ITPR2: variants seen among roughly 807,000 people sequenced by gnomAD.
ITPR2 encodes the protein inositol 1,4,5-trisphosphate-gated calcium channel ITPR2.
In ITPR2, 207 loss-of-function variants were observed where a neutral mutation model predicts 317.1. That is an observed-to-expected ratio of 0.65 (90% CI 0.58 to 0.73). The LOEUF is 0.73. Among genes scored for constraint, ITPR2 ranks in the 30% least tolerant of loss-of-function variants. The pLI is 0.00. For synonymous variants in ITPR2, 1,156 were observed against 1,149.1 expected, an observed-to-expected ratio of 1.01 and a Z score of -0.12; for missense variants, 2,613 against 3,284.0, an observed-to-expected ratio of 0.80 and a Z score of 4.99.
At chr12:26,439,414 T>C (rs1941434620) in intron 46 of ITPR2, 95 bp from the exon 47 acceptor site, 1 of 859,412 alleles carries the variant, frequency 1.2e-6, no homozygotes, top group South Asian at 2.1e-5. Context: ...GAATGTTTTA[T>C]GAATTCAGTT....
chr12:26,611,495 G>C (rs1946265524), intron 26 of ITPR2, among the ~76,000 whole-genome samples: 1 of 152,094 alleles, frequency 6.6e-6, no homozygotes, highest in Admixed American at 6.6e-5. Context: ...ACATCAGTGA[G>C]AGTCTAAGTC....
rs184969523 is a variant in ITPR2, at chr12:26,561,973, A to T, written c.4631-21T>A. 5 of 1,483,346 alleles carry T rather than the reference A, an allele frequency of 3.4e-6. No homozygotes were observed. The African/African-American group carries it at 7.3e-5, about 22-fold the overall frequency. The allele number at this position is 1,483,346 out of a possible 1,614,324, so 91.9% of individuals were successfully genotyped here. A position where few individuals can be genotyped will look rare whatever the true frequency, so the allele number is the denominator to read the frequency against. On this transcript the variant is annotated intron_variant, in intron 34 of 56. Transcript: ENST00000381340. ...TTTTGCTGAAAAAGAAAGATTTAAA[A>T]TATTTCCCTCTTAATTTGACTAAAG...
chr12:26,354,178 G>A (rs1377009761), intron 55 of ITPR2, among the ~76,000 whole-genome samples: 2 of 152,122 alleles, frequency 1.3e-5, no homozygotes, highest in Non-Finnish European at 2.9e-5. Flanking sequence ...GGAGACTGAG[G>A]CAGGAGAATC....
intron 55 of ITPR2, among the ~76,000 whole-genome samples, chr12:26,375,916 T>C (rs1397750671): frequency 2.6e-5 from 4 of 152,068 alleles, no homozygotes; most frequent in Non-Finnish European, 5.9e-5. Flanking sequence ...CTGGGCAACA[T>C]GGAAAAACCC....
intron 2 of ITPR2, among the ~76,000 whole-genome samples, chr12:26,774,273 T>C (rs1490876499): frequency 6.6e-6 from 1 of 152,154 alleles, no homozygotes; most frequent in Non-Finnish European, 1.5e-5. Context: ...ACAACTATGT[T>C]ACATGCTCGG....
At chr12:26,614,567 A>G (rs1946335317) in intron 26 of ITPR2, among the ~76,000 whole-genome samples, 1 of 152,354 alleles carries the variant, frequency 6.6e-6, no homozygotes, top group African/African-American at 2.4e-5. Flanking sequence ...GAAGCAACCA[A>G]GATGTCCTTC....
intron 45 of ITPR2, among the ~76,000 whole-genome samples, chr12:26,468,749 G>T (rs191061250): frequency 6.6e-6 from 1 of 152,178 alleles, no homozygotes; most frequent in East Asian, 1.9e-4. Context: ...GTCCTAGTCA[G>T]TCATTCATTC....
At chr12:26,749,706 C>G (rs1486846554) in intron 2 of ITPR2, among the ~76,000 whole-genome samples, 5 of 152,170 alleles carry the variant, frequency 3.3e-5, no homozygotes, top group Admixed American at 3.3e-4. Flanking sequence ...CCTTAATATT[C>G]CATTTTCTTC....
At chr12:26,375,171 T>G (rs560476101) in intron 55 of ITPR2, among the ~76,000 whole-genome samples, 1 of 152,340 alleles carries the variant, frequency 6.6e-6, no homozygotes, top group Non-Finnish European at 1.5e-5. Flanking sequence ...GACATTATTA[T>G]TCCAGAAAGC....
intron 1 of ITPR2, among the ~76,000 whole-genome samples, chr12:26,825,267 A>G (rs1950992528): frequency 6.6e-6 from 1 of 152,184 alleles, no homozygotes; most frequent in African/African-American, 2.4e-5. Flanking sequence ...AAGTGAATGA[A>G]CAAATGAACG....
At chr12:26,789,393 G>C (rs1320525682) in intron 2 of ITPR2, among the ~76,000 whole-genome samples, 1 of 152,172 alleles carries the variant, frequency 6.6e-6, no homozygotes, top group African/African-American at 2.4e-5. Context: ...CTGGTGCTCT[G>C]AGAATCCCTC....
chr12:26,700,557 C>G (rs1948426115), intron 9 of ITPR2, among the ~76,000 whole-genome samples: 1 of 152,172 alleles, frequency 6.6e-6, no homozygotes. Flanking sequence ...AAGCACAGGT[C>G]TGAGGGCTCC....
chr12:26,435,399 T>C (rs539620465), intron 48 of ITPR2, among the ~76,000 whole-genome samples: 78 of 152,282 alleles, frequency 5.1e-4, no homozygotes, highest in African/African-American at 1.8e-3. Flanking sequence ...AGTAATCCCA[T>C]GAAATGATGA....
chr12:26,809,324 A>G (rs1406874665), intron 1 of ITPR2, among the ~76,000 whole-genome samples: 1 of 152,200 alleles, frequency 6.6e-6, no homozygotes, highest in Non-Finnish European at 1.5e-5. Context: ...TAGACTCCCA[A>G]AAGTAGATTC....
intron 10 of ITPR2, among the ~76,000 whole-genome samples, chr12:26,686,857 C>G (rs1013280580): frequency 6.6e-6 from 1 of 152,158 alleles, no homozygotes; most frequent in Non-Finnish European, 1.5e-5. Context: ...TTGATCTGCC[C>G]ACATCATTAA....
chr12:26,802,629 A>ATC (rs1950579183), intron 1 of ITPR2, among the ~76,000 whole-genome samples: 1 of 82,424 alleles, frequency 1.2e-5, no homozygotes, highest in Non-Finnish European at 2.6e-5. Flanking sequence ...ATATAGATAT[A>ATC]GATATACAGA....
intron 45 of ITPR2, among the ~76,000 whole-genome samples, chr12:26,445,439 C>T (rs1941585536): frequency 6.6e-6 from 1 of 152,060 alleles, no homozygotes; most frequent in African/African-American, 2.4e-5. Flanking sequence ...GAGAAAAGAG[C>T]TCCATGGAAC....
chr12:26,795,586 C>T (rs2137226405), intron 1 of ITPR2, among the ~76,000 whole-genome samples: 1 of 152,224 alleles, frequency 6.6e-6, no homozygotes. Context: ...ATAAGTTTGT[C>T]TACATTAAAA....
intron 34 of ITPR2, among the ~76,000 whole-genome samples, chr12:26,566,254 G>C (rs1944981812): frequency 7.5e-6 from 1 of 132,802 alleles, no homozygotes; most frequent in Admixed American, 7.4e-5. Flanking sequence ...GAGGTGAGAG[G>C]AGAGGGAGAG....
Sources: allele counts gnomAD v4.1 joint callset (sites outside exome capture counted in the v4.1 genomes callset), GRCh38; gene constraint gnomAD v4.1.1; transcripts MANE v1.5; gene names NCBI Gene and HGNC (gene_info 2026-07-23, HGNC 2026-07-21).